The following RAD18 variants were observed in gnomAD, a reference collection of about 807,000 sequenced individuals.
RAD18 encodes E3 ubiquitin-protein ligase RAD18.
A neutral mutation model predicts 60.4 loss-of-function variants in RAD18; 47 were observed. That is an observed-to-expected ratio of 0.78 (90% CI 0.62 to 0.99). RAD18 has a LOEUF of 0.99. Among genes scored for constraint, RAD18 ranks in the 50% least tolerant of loss-of-function variants. The probability of loss-of-function intolerance (pLI) is 0.00; values close to 1 mark genes in which losing one functional copy is unlikely to be tolerated. For missense variants in RAD18, 640 were observed against 593.3 expected, an observed-to-expected ratio of 1.08 and a Z score of -0.82; for synonymous variants, 225 against 195.5, an observed-to-expected ratio of 1.15 and a Z score of -1.26.
intron 4 of RAD18, among the ~76,000 whole-genome samples, chr3:8,942,314 C>T (rs1445545183): frequency 6.6e-6 from 1 of 152,166 alleles, no homozygotes; most frequent in African/African-American, 2.4e-5. Context: ...GTCTCTCTTG[C>T]TCCCACTCTC....
intron 7 of RAD18, among the ~76,000 whole-genome samples, chr3:8,931,847 A>G (rs1266326767): frequency 6.6e-6 from 1 of 152,256 alleles, no homozygotes; most frequent in Non-Finnish European, 1.5e-5. Flanking sequence ...CACATGCTAT[A>G]TACATGGCCG....
rs1239489464 is a variant in RAD18, at chr3:8,878,924, G to A, written c.*2433C>T. ...AGAAACTGTATTTTCACTAAAAGGTGAATTTTAGAACCAGAAGTTTATCAG... is the reference window on the plus strand; with the variant it reads ...AGAAACTGTATTTTCACTAAAAGGTAAATTTTAGAACCAGAAGTTTATCAG... On this transcript the variant is annotated 3_prime_UTR_variant, in exon 13 of 13. Transcript: ENST00000264926. The A allele has an allele frequency of 3.3e-5, 5 of 152,162 alleles. No homozygotes were observed. The highest frequency in any genetic ancestry group is 4.8e-5 in the African/African-American group (2 of 41,440). The allele number at this position is 152,162 out of a possible 1,614,324, so 9.4% of individuals were successfully genotyped here.
chr3:8,919,043 C>A (rs1940261467), intron 7 of RAD18, among the ~76,000 whole-genome samples: 2 of 152,300 alleles, frequency 1.3e-5, no homozygotes, highest in South Asian at 4.1e-4. Flanking sequence ...GCATCCCCGA[C>A]CAACATGTGA....
chr3:8,941,558 C>G lies in RAD18; in HGVS notation c.513G>C (p.Glu171Asp), dbSNP rs1194850064. Residue 171 changes from glutamate (E) to aspartate (D), a missense_variant, in exon 5 of 13, where the codon GAG (glutamate) becomes GAC (aspartate). Glu to Asp is a conservative substitution (Grantham distance 45). Transcript: ENST00000264926. ...KEASPAAKTK[E>D]TRSVEEIAPD... is the part of the protein sequence containing the mutation. ...GAGCGATCTCTTCTACAGAACGTGT[C>G]TCTTTGGTCTTTGCAGCAGGGCTCG... 6.2e-7 allele frequency: 1 copy of G among 1,614,138 alleles called. No homozygotes were observed. Among genetic ancestry groups the G allele is most frequent in the South Asian group, 1.1e-5 (1 of 91,084 alleles).
At chr3:8,905,496 ACTT>A (rs1461445350) in intron 9 of RAD18, among the ~76,000 whole-genome samples, 10 of 152,324 alleles carry the variant, frequency 6.6e-5, no homozygotes, top group African/African-American at 1.4e-4. Flanking sequence ...CCACTGAGAT[ACTT>A]CTTCTACTTT....
intron 10 of RAD18, among the ~76,000 whole-genome samples, chr3:8,900,729 T>C (rs1005409501): frequency 2.6e-5 from 4 of 152,188 alleles, no homozygotes; most frequent in Non-Finnish European, 5.9e-5. Flanking sequence ...ACAATTATAT[T>C]GGTTGTATGA....
chr3:8,920,228 G>A (rs1408843672), intron 7 of RAD18, among the ~76,000 whole-genome samples: 4 of 143,894 alleles, frequency 2.8e-5, no homozygotes, highest in South Asian at 2.2e-4. Flanking sequence ...GCAGTGAGCC[G>A]AGATCGTGCC....
chr3:8,948,879 G>T (rs1940881536), intron 2 of RAD18, among the ~76,000 whole-genome samples: 1 of 152,044 alleles, frequency 6.6e-6, no homozygotes, highest in African/African-American at 2.4e-5. Context: ...GTATAAACCT[G>T]CCAGATATCT....
intron 11 of RAD18, 94 bp from the exon 12 acceptor site, chr3:8,890,545 G>A (rs1261506210): frequency 1.1e-6 from 1 of 934,344 alleles, no homozygotes; most frequent in African/African-American, 1.7e-5. Flanking sequence ...TGAGTCTATA[G>A]TGACAGAAAG....
At chr3:8,931,196 A>C (rs1220241619) in intron 7 of RAD18, among the ~76,000 whole-genome samples, 5 of 152,230 alleles carry the variant, frequency 3.3e-5, no homozygotes, top group African/African-American at 1.2e-4. Flanking sequence ...ACAAAAATAA[A>C]TGTCAAAATG....
rs778667561 is a variant in RAD18 at position 8,936,063 on chromosome 3, G to C, written c.705-8C>G. 2 of 1,510,394 alleles carry C rather than the reference G, an allele frequency of 1.3e-6. No individual in the cohort carries two copies. The highest frequency in any genetic ancestry group is 1.8e-6 in the Non-Finnish European group (2 of 1,126,410). The allele number at this position is 1,510,394 out of a possible 1,614,324, so 93.6% of individuals were successfully genotyped here. ...TTCCTTTTGTGAACAGAACTGAAAA[G>C]GGGGGAAGATACCTGATGATTATTG... On this transcript the variant is annotated splice_region_variant and splice_polypyrimidine_tract_variant and intron_variant, in intron 6 of 12. Transcript: ENST00000264926.
chr3:8,890,184 C>T (rs1575532318), intron 12 of RAD18: 3 of 556,318 alleles, frequency 5.4e-6, no homozygotes, highest in East Asian at 2.9e-5. Context: ...ACATCTGATA[C>T]ATAACTACAG....
intron 7 of RAD18, among the ~76,000 whole-genome samples, chr3:8,935,094 C>T (rs1286127845): frequency 1.3e-5 from 2 of 152,120 alleles, no homozygotes; most frequent in East Asian, 1.9e-4. Context: ...GCTTTTGGGA[C>T]GCTGGTAGTG....
intron 10 of RAD18, 110 bp from the exon 11 acceptor site, chr3:8,899,157 T>A: frequency 1.3e-6 from 1 of 788,952 alleles, no homozygotes; most frequent in Non-Finnish European, 1.9e-6. Flanking sequence ...GAAGTATATG[T>A]CACATAGATT....
Position 8,963,397 on chromosome 3 carries a change from A to T in RAD18, c.-12T>A. On this transcript the variant is annotated 5_prime_UTR_variant, in exon 1 of 13. Transcript: ENST00000264926. ...GCCAGGGAGTCCATGGTCGCTCCCG[A>T]GGATGCTGGGGGTCAGCCACCCACT... is the stretch of plus-strand genomic sequence containing the variant. 6.3e-7 allele frequency: 1 copy of T among 1,583,352 alleles called. No individual in the cohort carries two copies. Among genetic ancestry groups the T allele is most frequent in the Non-Finnish European group, 8.6e-7 (1 of 1,163,814 alleles).
Position 8,947,027 on chromosome 3 carries a change from GA to G in RAD18, c.266+192del, listed in dbSNP as rs1167254000. On this transcript the variant is annotated intron_variant, in intron 4 of 12. Coordinates refer to ENST00000264926, the MANE Select transcript of RAD18 (RefSeq NM_020165.4). ...CTCTTAATTATTCTATACTACAGGA[GA>G]ATTTCTGTTAAGTAAAGGAAGAAAA... The G allele has an allele frequency of 2.7e-5, 15 of 555,220 alleles. No homozygotes were observed. In the South Asian group the frequency reaches 3.3e-4, roughly 12 times the overall value. The allele number at this position is 555,220 out of a possible 1,614,324, so 34.4% of individuals were successfully genotyped here.
chr3:8,881,389 T>TG lies in RAD18; in HGVS notation c.1455_1456insC (p.Ile486HisfsTer2), dbSNP rs1378471918. ...CTATTACGCTTGTTTCTTGGTTCAA[T>TG]CTCAGCACTTTCAGCGGCTCTTGTG... On this transcript the variant is annotated frameshift_variant, in exon 13 of 13. Transcript: ENST00000264926. LOFTEE classifies it high-confidence loss of function. The TG allele has an allele frequency of 6.2e-7, 1 of 1,612,268 alleles. No homozygotes were observed. The highest frequency in any genetic ancestry group is 1.3e-5 in the African/African-American group (1 of 75,016).
At chr3:8,907,896 C>G (rs951136453) in intron 9 of RAD18, among the ~76,000 whole-genome samples, 1 of 152,202 alleles carries the variant, frequency 6.6e-6, no homozygotes, top group Non-Finnish European at 1.5e-5. Flanking sequence ...CTGCTCCCAC[C>G]AGAGAGGAGC....
intron 4 of RAD18, among the ~76,000 whole-genome samples, chr3:8,942,052 G>C (rs1940756966): frequency 6.6e-6 from 1 of 152,090 alleles, no homozygotes; most frequent in African/African-American, 2.4e-5. Context: ...GCTTATATGA[G>C]ACCTAATCTC....
Sources: gnomAD v4.1 joint callset for allele counts (sites outside exome capture counted in the v4.1 genomes callset) on GRCh38, gnomAD v4.1.1 for gene constraint, MANE v1.5 for transcripts, NCBI Gene and HGNC (gene_info 2026-07-23, HGNC 2026-07-21) for gene names.